The following PTGFRN variants were observed in gnomAD, a reference collection of about 807,000 sequenced individuals.
PTGFRN encodes the protein prostaglandin F2 receptor negative regulator.
In PTGFRN, 35 loss-of-function variants were observed where a neutral mutation model predicts 83.2. The observed-to-expected ratio is 0.42, with a 90% CI of 0.32 to 0.56. The LOEUF (loss-of-function observed/expected upper bound fraction) is 0.56, where lower values mean the gene tolerates loss of function less well. Among genes scored for constraint, PTGFRN ranks in the 20% least tolerant of loss-of-function variants. The pLI, the probability that PTGFRN is intolerant of heterozygous loss-of-function variation, is 0.11. For missense variants in PTGFRN, 1,051 were observed against 1,179.5 expected, an observed-to-expected ratio of 0.89 and a Z score of 1.60; for synonymous variants, 519 against 498.6, an observed-to-expected ratio of 1.04 and a Z score of -0.55.
intron 1 of PTGFRN, among the ~76,000 whole-genome samples, chr1:116,920,977 G>A (rs575933215): frequency 3.3e-5 from 5 of 152,318 alleles, no homozygotes; most frequent in Non-Finnish European, 7.4e-5. Flanking sequence ...GCTAAAAAAT[G>A]TGCCCCTAGT....
In PTGFRN at chr1:116,958,888, A is replaced by G. The variant is rs963514297; in HGVS notation, c.1214-2355A>G. Among the ~76,000 whole-genome samples the G allele has an allele frequency of 1.3e-5, 2 of 152,232 alleles. No homozygotes were observed. Among genetic ancestry groups the G allele is most frequent in the East Asian group, 1.9e-4 (1 of 5,172 alleles). On this transcript the variant is annotated intron_variant, in intron 4 of 8. Transcript: ENST00000393203. The surrounding 1 kb of genome is among the most constrained non-coding windows in gnomAD (Gnocchi z 4.9). Reference sequence around the variant, plus strand: ...TCTCATGCCACACAGGAAGGGTCTTATGTGTTGTGCTTGAAATGGACTTGA... The same window carrying G: ...TCTCATGCCACACAGGAAGGGTCTTGTGTGTTGTGCTTGAAATGGACTTGA...
chr1:116,936,489 G>C (rs1400545514), intron 1 of PTGFRN, among the ~76,000 whole-genome samples: 1 of 152,232 alleles, frequency 6.6e-6, no homozygotes, highest in Non-Finnish European at 1.5e-5. Context: ...TGCAGGTTGA[G>C]TTGGAACATG....
At chr1:116,972,539 C>T (rs576069773) in intron 6 of PTGFRN, among the ~76,000 whole-genome samples, 52 of 152,262 alleles carry the variant, frequency 3.4e-4, no homozygotes, top group African/African-American at 1.2e-3. Flanking sequence ...TCTGTCATGG[C>T]CATTTCTTCT....
At position 116,984,673 on chromosome 1, in the gene PTGFRN, TC is replaced by T; in HGVS notation, c.2168-5del. 6.2e-7 allele frequency: 1 copy of T among 1,611,496 alleles called. No homozygotes were observed. The highest frequency in any genetic ancestry group is 8.5e-7 in the Non-Finnish European group (1 of 1,178,442). On this transcript the variant is annotated splice_polypyrimidine_tract_variant and splice_region_variant and intron_variant, in intron 7 of 8. Transcript: ENST00000393203. ...TGACCCCAGGGTTTTGGCTTGGTAA[TC>T]CGTAGATGACATGGCCTTTGATGTG...
rs1357858318 is a variant in PTGFRN, at chr1:116,945,033, A to C, written c.773A>C (p.Asn258Thr). 1 of 1,613,888 alleles carries C rather than the reference A, an allele frequency of 6.2e-7. No homozygotes were observed. Among genetic ancestry groups the C allele is most frequent in the Admixed American group, 1.7e-5 (1 of 60,036 alleles). Residue 258 changes from asparagine to threonine, a missense_variant, in exon 3 of 9, where the codon AAC becomes ACC. Coordinates refer to ENST00000393203, the MANE Select transcript of PTGFRN (RefSeq NM_020440.4). ...IVSEWIAEQG[N>T]WQEIQEKAVE... ...AGCGAGTGGATCGCCGAGCAGGGCA[A>C]CTGGCAGGAAATCCAAGAAAAGGCC...
intron 5 of PTGFRN, among the ~76,000 whole-genome samples, chr1:116,966,149 T>C (rs1031485987): frequency 6.6e-6 from 1 of 152,274 alleles, no homozygotes; most frequent in East Asian, 1.9e-4. Context: ...TCCAAGTGCC[T>C]GACGTTGTGC....
chr1:116,910,343 C>G (rs1649234813), intron 1 of PTGFRN, 91 bp downstream of exon 1: 1 of 1,147,436 alleles, frequency 8.7e-7, no homozygotes, highest in African/African-American at 1.6e-5. Context: ...CGGCCTGGGG[C>G]GCCGAGGGTG....
chr1:116,965,226 A>G (rs74113325), intron 5 of PTGFRN, among the ~76,000 whole-genome samples: 10,556 of 152,256 alleles, frequency 0.069, 430 homozygotes, highest in Non-Finnish European at 0.092. Context: ...TCTTCCCAAG[A>G]TAGATAGGAC....
intron 7 of PTGFRN, among the ~76,000 whole-genome samples, chr1:116,975,911 G>A (rs777685288): frequency 6.6e-6 from 1 of 152,162 alleles, no homozygotes; most frequent in Non-Finnish European, 1.5e-5. Flanking sequence ...GGCTTCAGAT[G>A]ATCAAACTTC....
intron 1 of PTGFRN, among the ~76,000 whole-genome samples, chr1:116,917,987 T>G (rs917900408): frequency 2.6e-5 from 4 of 152,194 alleles, no homozygotes; most frequent in African/African-American, 7.2e-5. Flanking sequence ...CTGTGTTGAT[T>G]GGTGGAATTA....
At chr1:116,959,027 T>C (rs774157331) in intron 4 of PTGFRN, among the ~76,000 whole-genome samples, 35 of 152,360 alleles carry the variant, frequency 2.3e-4, no homozygotes, top group Middle Eastern at 3.4e-3. Context: ...CCACATGAGA[T>C]GGACTTAGTT....
At position 116,961,492 on chromosome 1, in the gene PTGFRN, T is replaced by C; in HGVS notation, c.1463T>C (p.Phe488Ser). The change falls in exon 5 of 9, where the codon TTT (phenylalanine) becomes TCT (serine). Residue 488 changes from phenylalanine to serine, a missense_variant. This residue lies in a region of PTGFRN where 719 missense variants were observed against 836.6 expected (regional missense o/e 0.86). Transcript: ENST00000393203. This position sits in a 1 kb window ranked among gnomAD's most constrained non-coding sequence, Gnocchi z 5.4. ...RSKQRAQDGD[F>S]IFSKEHTDTF... ...AAGCAGCGGGCCCAGGATGGAGACT[T>C]TATTTTTTCTAAGGAACATACAGAC... is the stretch of plus-strand genomic sequence containing the variant. 6.2e-7 allele frequency: 1 copy of C among 1,614,144 alleles called. No homozygotes were observed.
chr1:116,943,520 G>A (rs1007834480), intron 2 of PTGFRN, among the ~76,000 whole-genome samples: 2 of 152,170 alleles, frequency 1.3e-5, no homozygotes, highest in African/African-American at 4.8e-5. Context: ...AGCAATGGAT[G>A]ACCATGAGAG....
chr1:116,986,932 G>T lies in PTGFRN; in HGVS notation c.2605G>T (p.Glu869Ter). The change falls in exon 9 of 9, where the codon GAG (glutamate) becomes TAG (stop). Residue 869 changes from glutamate (E) to a stop codon, truncating the protein, a stop_gained. Coordinates refer to ENST00000393203, the MANE Select transcript of PTGFRN (RefSeq NM_020440.4). LOFTEE classifies it high-confidence loss of function. ...CKKEVQETRRERRRLMSMEMD is the reference protein window; with the variant it reads ...CKKEVQETRR ...GAAGGAGGTTCAGGAGACACGGCGCGAGCGCCGCAGGCTCATGTCGATGGA... is the reference window on the plus strand; with the variant it reads ...GAAGGAGGTTCAGGAGACACGGCGCTAGCGCCGCAGGCTCATGTCGATGGA... 6.2e-7 allele frequency: 1 copy of T among 1,614,254 alleles called. No homozygotes were observed.
chr1:116,941,048 A>G lies in PTGFRN; in HGVS notation c.50-667A>G, dbSNP rs999614192. Among the ~76,000 whole-genome samples the G allele has an allele frequency of 2.0e-5, 3 of 152,330 alleles. No individual in the cohort carries two copies. The highest frequency in any genetic ancestry group is 7.2e-5 in the African/African-American group (3 of 41,582). On this transcript the variant is annotated intron_variant, in intron 1 of 8. Transcript: ENST00000393203. The surrounding 1 kb of genome is among the most constrained non-coding windows in gnomAD (Gnocchi z 5.0). ...AGCTGCTGCATTCCTAAGAACACCC[A>G]GCAACCAACCTGCCTCTCTCCCTTT...
At chr1:116,963,485 T>G (rs1057458753) in intron 5 of PTGFRN, among the ~76,000 whole-genome samples, 1 of 152,244 alleles carries the variant, frequency 6.6e-6, no homozygotes. Flanking sequence ...CTCTTATGTC[T>G]TTGGTAATTC....
At chr1:116,953,337 T>C (rs1198963589) in intron 4 of PTGFRN, among the ~76,000 whole-genome samples, 1 of 152,220 alleles carries the variant, frequency 6.6e-6, no homozygotes, top group Non-Finnish European at 1.5e-5. Flanking sequence ...GATTTAGACC[T>C]GTAGGTTTTT....
intron 6 of PTGFRN, among the ~76,000 whole-genome samples, chr1:116,968,570 A>G (rs1462844088): frequency 6.6e-6 from 1 of 152,090 alleles, no homozygotes; most frequent in Non-Finnish European, 1.5e-5. Context: ...CATACTATAA[A>G]ATTTACTATA....
chr1:116,958,618 G>A lies in PTGFRN; in HGVS notation c.1214-2625G>A, dbSNP rs1379940887. ...CACACACACACCAGGCACCAGTCTA[G>A]GCATTTTAAGTACAGTATATTTTAA... is the stretch of plus-strand genomic sequence containing the variant. On this transcript the variant is annotated intron_variant, in intron 4 of 8. Coordinates refer to ENST00000393203, the MANE Select transcript of PTGFRN (RefSeq NM_020440.4). The surrounding 1 kb of genome is among the most constrained non-coding windows in gnomAD (Gnocchi z 4.9). 6.6e-6 allele frequency among the ~76,000 whole-genome samples: 1 copy of A among 152,150 alleles called. No homozygotes were observed. Among genetic ancestry groups the A allele is most frequent in the Non-Finnish European group, 1.5e-5 (1 of 68,020 alleles).
Sources: allele counts gnomAD v4.1 joint callset (sites outside exome capture counted in the v4.1 genomes callset), GRCh38; gene constraint gnomAD v4.1.1; regional missense constraint gnomAD v4.1.1; non-coding constraint Gnocchi (gnomAD v3.1); transcripts MANE v1.5; gene names NCBI Gene and HGNC (gene_info 2026-07-23, HGNC 2026-07-21).